CLEC16A: variants seen among roughly 807,000 people sequenced by gnomAD.
CLEC16A encodes C-type lectin domain containing 16A, also known as protein CLEC16A.
CLEC16A carries 51 observed loss-of-function variants against 109.5 expected under a neutral mutation model. That is an observed-to-expected ratio of 0.47 (90% CI 0.37 to 0.59). CLEC16A has a LOEUF of 0.59. Among genes scored for constraint, CLEC16A ranks in the 20% least tolerant of loss-of-function variants. The pLI is 0.00. For synonymous variants in CLEC16A, 673 were observed against 564.2 expected, an observed-to-expected ratio of 1.19 and a Z score of -2.73; for missense variants, 1,339 against 1,394.0, an observed-to-expected ratio of 0.96 and a Z score of 0.63.
chr16:11,154,436 A>G (rs753756606), intron 22 of CLEC16A, among the ~76,000 whole-genome samples: 2 of 152,246 alleles, frequency 1.3e-5, no homozygotes, highest in Non-Finnish European at 2.9e-5. Context: ...AACGATTTTC[A>G]TATAAATCCT....
At chr16:11,156,310 C>T (rs2054514613) in intron 22 of CLEC16A, among the ~76,000 whole-genome samples, 1 of 150,842 alleles carries the variant, frequency 6.6e-6, no homozygotes, top group African/African-American at 2.4e-5. Context: ...GCAGAGGTTG[C>T]TCTGAGCCAG....
intron 19 of CLEC16A, among the ~76,000 whole-genome samples, chr16:11,067,200 T>TG (rs2048818686): frequency 6.7e-6 from 1 of 148,358 alleles, no homozygotes; most frequent in African/African-American, 2.5e-5. Context: ...TTTTTTTTTT[T>TG]TTTTTTTTTT....
At chr16:11,132,462 A>G (rs542214134) in intron 22 of CLEC16A, among the ~76,000 whole-genome samples, 17 of 152,086 alleles carry the variant, frequency 1.1e-4, no homozygotes, top group South Asian at 4.2e-4. Context: ...TCATCCATCA[A>G]TGCACATTTG....
At chr16:11,076,160 C>T (rs1313525280) in intron 19 of CLEC16A, among the ~76,000 whole-genome samples, 3 of 152,184 alleles carry the variant, frequency 2.0e-5, no homozygotes, top group African/African-American at 4.8e-5. Context: ...TTTAAATAGA[C>T]GTCAGACCCT....
intron 19 of CLEC16A, among the ~76,000 whole-genome samples, chr16:11,092,361 AACACAC>A (rs3030566): frequency 0.013 from 1,757 of 132,516 alleles, 24 homozygotes; most frequent in Middle Eastern, 0.033. Flanking sequence ...AACAAAAACA[AACACAC>A]ACACACACAC....
chr16:11,066,239 A>G (rs2048748647), intron 19 of CLEC16A, among the ~76,000 whole-genome samples: 2 of 152,120 alleles, frequency 1.3e-5, no homozygotes, highest in Admixed American at 1.3e-4. Flanking sequence ...AATTGCAGAG[A>G]GGCCATTTAG....
chr16:11,083,537 G>A (rs9931397), intron 19 of CLEC16A, among the ~76,000 whole-genome samples: 2 of 151,972 alleles, frequency 1.3e-5, no homozygotes, highest in East Asian at 1.9e-4. Context: ...CAGGTAGCAC[G>A]TGACCCCAGG....
intron 20 of CLEC16A, among the ~76,000 whole-genome samples, chr16:11,123,040 A>C (rs1299845915): frequency 6.6e-6 from 1 of 151,600 alleles, no homozygotes; most frequent in African/African-American, 2.4e-5. Context: ...AGTAGCTGGA[A>C]CTACAAGCGC....
At chr16:11,004,044 C>T (rs573503396) in intron 11 of CLEC16A, among the ~76,000 whole-genome samples, 31 of 151,350 alleles carry the variant, frequency 2.0e-4, no homozygotes, top group South Asian at 1.7e-3. Flanking sequence ...TCAATTCTTA[C>T]GTTAAGGTTT....
chr16:11,138,543 C>G (rs893488451), intron 22 of CLEC16A, among the ~76,000 whole-genome samples: 1 of 152,140 alleles, frequency 6.6e-6, no homozygotes, highest in Non-Finnish European at 1.5e-5. Flanking sequence ...CCACAAGACA[C>G]ATTCTGGCCC....
intron 11 of CLEC16A, among the ~76,000 whole-genome samples, chr16:11,019,933 A>G (rs916775848): frequency 6.6e-5 from 10 of 152,356 alleles, no homozygotes; most frequent in African/African-American, 2.4e-4. Context: ...TCGAAATAGA[A>G]TAAATGATTG....
intron 11 of CLEC16A, among the ~76,000 whole-genome samples, chr16:11,015,397 T>C (rs2045685309): frequency 6.6e-6 from 1 of 152,194 alleles, no homozygotes; most frequent in Admixed American, 6.5e-5. Flanking sequence ...TAAGAATCAC[T>C]GCACTTGTGG....
intron 1 of CLEC16A, among the ~76,000 whole-genome samples, chr16:10,945,670 G>A (rs138250080): frequency 6.6e-6 from 1 of 152,308 alleles, no homozygotes; most frequent in Non-Finnish European, 1.5e-5. Flanking sequence ...TAATGGAAAT[G>A]GAAGGTGACT....
At position 11,024,844 on chromosome 16, in the gene CLEC16A, A is replaced by G; in HGVS notation, c.1460A>G (p.His487Arg). The change falls in exon 13 of 24, where the codon CAC becomes CGC. Residue 487 changes from histidine (H) to arginine (R), a missense_variant. His to Arg is a conservative substitution (Grantham distance 29). Coordinates refer to ENST00000409790, the MANE Select transcript of CLEC16A (RefSeq NM_015226.3). ...AGACCCTTCCTGGATATGGTGTACC[A>G]CGCGCTGGACAGCCCGGATGATGAT... ...WSRPFLDMVY[H>R]ALDSPDDDYH... 1.2e-6 allele frequency: 2 copies of G among 1,605,952 alleles called. No individual in the cohort carries two copies. The highest frequency in any genetic ancestry group is 1.7e-6 in the Non-Finnish European group (2 of 1,176,226).
intron 18 of CLEC16A, among the ~76,000 whole-genome samples, chr16:11,052,365 T>A (rs2047993602): frequency 6.6e-6 from 1 of 152,192 alleles, no homozygotes; most frequent in African/African-American, 2.4e-5. Context: ...TCAGCCTTTA[T>A]CATCTGAGTT....
intron 19 of CLEC16A, among the ~76,000 whole-genome samples, chr16:11,074,189 G>A (rs1414877335): frequency 6.6e-6 from 1 of 151,460 alleles, no homozygotes; most frequent in Non-Finnish European, 1.5e-5. Context: ...ACCCCACTTT[G>A]AGGCAGGCAC....
chr16:11,023,765 A>C (rs918443641), intron 12 of CLEC16A, among the ~76,000 whole-genome samples: 13 of 152,114 alleles, frequency 8.5e-5, no homozygotes, highest in African/African-American at 3.1e-4. Context: ...TGTTCATTGG[A>C]GCTTGGGTGT....
intron 18 of CLEC16A, among the ~76,000 whole-genome samples, chr16:11,051,896 G>A (rs888589888): frequency 6.6e-6 from 1 of 152,256 alleles, no homozygotes; most frequent in African/African-American, 2.4e-5. Flanking sequence ...CACCAGTGCA[G>A]ACAGACAAGC....
intron 22 of CLEC16A, among the ~76,000 whole-genome samples, chr16:11,140,548 G>T (rs1247643252): frequency 1.3e-5 from 2 of 152,092 alleles, no homozygotes; most frequent in African/African-American, 4.8e-5. Flanking sequence ...TTCCCATCCT[G>T]CCCTCTCTCC....
Sources: gnomAD v4.1 joint callset for allele counts (sites outside exome capture counted in the v4.1 genomes callset) on GRCh38, gnomAD v4.1.1 for gene constraint, MANE v1.5 for transcripts, NCBI Gene and HGNC (gene_info 2026-07-23, HGNC 2026-07-21) for gene names.